The following PLCE1 variants were observed in gnomAD, a reference collection of about 807,000 sequenced individuals.
PLCE1 encodes the protein 1-phosphatidylinositol 4,5-bisphosphate phosphodiesterase epsilon-1.
Under a neutral mutation model 242.8 loss-of-function variants are expected in PLCE1, and 119 were observed. The ratio of observed to expected loss-of-function variants is 0.49; its 90% CI spans 0.42 to 0.57. The LOEUF is 0.57. Among genes scored for constraint, PLCE1 ranks in the 20% least tolerant of loss-of-function variants. The probability of loss-of-function intolerance (pLI) is 0.00; values close to 1 mark genes in which losing one functional copy is unlikely to be tolerated. For synonymous variants in PLCE1, 945 were observed against 1,017.4 expected (o/e 0.93, Z 1.35); for missense variants, 2,441 against 2,788.8 (o/e 0.88, Z 2.81).
At chr10:94,188,909 A>G (rs2048568278) in intron 4 of PLCE1, among the ~76,000 whole-genome samples, 1 of 151,458 alleles carries the variant, frequency 6.6e-6, no homozygotes, top group Non-Finnish European at 1.5e-5. Flanking sequence ...CCAGCCCTGT[A>G]TAGCATTTTG....
At chr10:94,297,647 C>T (rs1156403795) in intron 23 of PLCE1, among the ~76,000 whole-genome samples, 1 of 88,814 alleles carries the variant, frequency 1.1e-5, no homozygotes, top group Non-Finnish European at 2.4e-5. Context: ...CTGCAAAGTG[C>T]AATAAAACAA....
At chr10:94,263,122 G>A (rs1430595003) in intron 14 of PLCE1, among the ~76,000 whole-genome samples, 3 of 151,948 alleles carry the variant, frequency 2.0e-5, no homozygotes, top group South Asian at 2.1e-4. Flanking sequence ...TGCCCACCTC[G>A]GCCTCCCAAA....
chr10:94,031,555 C>G lies in PLCE1; in HGVS notation c.509C>G (p.Ser170Ter). Reference protein sequence around the residue: ...SMGISPLGNQSVIIETGRAHP... With the variant: ...SMGISPLGNQ ...GGCATTAGTCCTTTAGGAAATCAGT[C>G]AGTGATCATAGAGACAGGCAGAGCA... is the stretch of plus-strand genomic sequence containing the variant. Residue 170 changes from serine to a stop codon, truncating the protein, a stop_gained, in exon 2 of 33, where the codon TCA becomes TGA. Transcript: ENST00000371380. LOFTEE classifies it high-confidence loss of function. 1 of 1,612,238 alleles carries G rather than the reference C, an allele frequency of 6.2e-7. No individual in the cohort carries two copies. Among genetic ancestry groups the G allele is most frequent in the Admixed American group, 1.7e-5 (1 of 59,974 alleles).
At chr10:94,292,175 A>G (rs2052666126) in intron 22 of PLCE1, among the ~76,000 whole-genome samples, 1 of 152,232 alleles carries the variant, frequency 6.6e-6, no homozygotes, top group African/African-American at 2.4e-5. Flanking sequence ...GCTATTATGA[A>G]TACTTTGGAG....
At chr10:94,164,351 C>A (rs1199073358) in intron 3 of PLCE1, among the ~76,000 whole-genome samples, 1 of 152,104 alleles carries the variant, frequency 6.6e-6, no homozygotes, top group Admixed American at 6.6e-5. Flanking sequence ...TTGTTCATTT[C>A]TTTTTATTCT....
rs960944636 is a variant in PLCE1 at position 94,298,234 on chromosome 10, G to A, written c.5168-145G>A. The A allele has an allele frequency of 4.3e-5, 31 of 728,372 alleles. No individual in the cohort carries two copies. Among genetic ancestry groups the A allele is most frequent in the African/African-American group, 7.0e-5 (4 of 56,896 alleles). The allele number at this position is 728,372 out of a possible 1,614,324, so 45.1% of individuals were successfully genotyped here. ...AGCCACCATGTTGTTTTAAAGTGGC[G>A]AACTAACTCACAAGTAAAATCCAAG... On this transcript the variant is annotated intron_variant, in intron 23 of 32. Coordinates refer to ENST00000371380, the MANE Select transcript of PLCE1 (RefSeq NM_016341.4). The surrounding 1 kb of genome is among the most constrained non-coding windows in gnomAD (Gnocchi z 5.2).
At chr10:94,191,692 A>G (rs2048672778) in intron 4 of PLCE1, among the ~76,000 whole-genome samples, 1 of 152,206 alleles carries the variant, frequency 6.6e-6, no homozygotes, top group Non-Finnish European at 1.5e-5. Context: ...CTTCCTACAC[A>G]GGAGACTTCC....
chr10:94,072,074 T>C (rs1225214228), intron 2 of PLCE1, among the ~76,000 whole-genome samples: 1 of 152,130 alleles, frequency 6.6e-6, no homozygotes, highest in African/African-American at 2.4e-5. Context: ...TGGCTAAAAC[T>C]CTTTCTGATT....
intron 18 of PLCE1, among the ~76,000 whole-genome samples, chr10:94,271,350 T>A (rs915517965): frequency 4.3e-5 from 6 of 140,682 alleles, no homozygotes; most frequent in Non-Finnish European, 7.6e-5. Flanking sequence ...AGTCTCGCTC[T>A]GTCACCCAGG....
intron 2 of PLCE1, among the ~76,000 whole-genome samples, chr10:94,032,844 C>G (rs1050061311): frequency 3.3e-5 from 5 of 151,962 alleles, no homozygotes; most frequent in African/African-American, 1.2e-4. Flanking sequence ...TTAGGTGCTT[C>G]TTTATTAATA....
chr10:94,062,765 C>T (rs2044095057), intron 2 of PLCE1, among the ~76,000 whole-genome samples: 1 of 152,054 alleles, frequency 6.6e-6, no homozygotes, highest in Non-Finnish European at 1.5e-5. Flanking sequence ...CAACTGTTGT[C>T]TTTCTGAGTT....
At position 94,298,536 on chromosome 10, in the gene PLCE1, A is replaced by G. The variant is rs2052922919; in HGVS notation, c.5325A>G (p.Lys1775=). The stretch of plus-strand genomic sequence containing the variant: ...GTCTGTGTCGCAGGTATTCTCAGAA[A>G]CTGACCCAGCACACCGCCTGTCAGC... ...AKRLCRRYSQ[K]LTQHTACQLL... is the part of the protein sequence containing the mutation. The change falls in exon 24 of 33, where the codon AAA becomes AAG. Residue 1775 remains lysine (K), a synonymous_variant. Coordinates refer to ENST00000371380, the MANE Select transcript of PLCE1 (RefSeq NM_016341.4). This position sits in a 1 kb window ranked among gnomAD's most constrained non-coding sequence, Gnocchi z 5.2. 6.2e-7 allele frequency: 1 copy of G among 1,613,978 alleles called. No individual in the cohort carries two copies. Among genetic ancestry groups the G allele is most frequent in the Admixed American group, 1.7e-5 (1 of 60,000 alleles).
At chr10:94,069,819 CAG>C (rs903240894) in intron 2 of PLCE1, among the ~76,000 whole-genome samples, 1 of 152,104 alleles carries the variant, frequency 6.6e-6, no homozygotes, top group Admixed American at 6.6e-5. Context: ...CTTGAGCAAA[CAG>C]AGGGTGGTCA....
chr10:94,156,710 G>A (rs565943161), intron 3 of PLCE1, among the ~76,000 whole-genome samples: 2 of 152,182 alleles, frequency 1.3e-5, no homozygotes, highest in South Asian at 4.1e-4. Flanking sequence ...GGTGGGTGGG[G>A]CTTAAACTTC....
intron 28 of PLCE1, chr10:94,315,228 A>G: frequency 3.0e-6 from 1 of 334,500 alleles, no homozygotes; most frequent in Non-Finnish European, 5.9e-6. Flanking sequence ...CTTCCTGAGA[A>G]CCTTCACTCC....
intron 2 of PLCE1, among the ~76,000 whole-genome samples, chr10:94,126,359 T>G (rs1214506060): frequency 6.6e-6 from 1 of 152,184 alleles, no homozygotes; most frequent in Non-Finnish European, 1.5e-5. Context: ...TCCTTTCCTT[T>G]CCTCCCAATG....
At chr10:94,327,254 A>C (rs2054057366) in intron 32 of PLCE1, among the ~76,000 whole-genome samples, 1 of 152,134 alleles carries the variant, frequency 6.6e-6, no homozygotes, top group South Asian at 2.1e-4. Context: ...TGGTCTTTTC[A>C]AGAAAGAGCA....
At chr10:94,165,611 T>C (rs1055916757) in intron 3 of PLCE1, among the ~76,000 whole-genome samples, 4 of 152,098 alleles carry the variant, frequency 2.6e-5, no homozygotes, top group Non-Finnish European at 5.9e-5. Flanking sequence ...TTACCATATA[T>C]ATTGGAAAAA....
chr10:94,116,088 A>G (rs1204671588), intron 2 of PLCE1, among the ~76,000 whole-genome samples: 3 of 152,036 alleles, frequency 2.0e-5, no homozygotes, highest in Non-Finnish European at 4.4e-5. Context: ...GCTGTCCCTG[A>G]TCCTTCCTCC....
Sources: gnomAD v4.1 joint callset for allele counts (sites outside exome capture counted in the v4.1 genomes callset) on GRCh38, gnomAD v4.1.1 for gene constraint, Gnocchi (gnomAD v3.1) non-coding constraint, MANE v1.5 for transcripts, NCBI Gene and HGNC (gene_info 2026-07-23, HGNC 2026-07-21) for gene names.